PALLD: variants seen among roughly 807,000 people sequenced by gnomAD.
The protein encoded by PALLD is palladin.
PALLD carries 61 observed loss-of-function variants against 123.5 expected under a neutral mutation model. The observed-to-expected ratio is 0.49, with a 90% CI of 0.40 to 0.61. The LOEUF is 0.61. Ranked by LOEUF, PALLD falls within the 20% of genes least tolerant of loss-of-function variation. The probability of loss-of-function intolerance (pLI) is 0.00; values close to 1 mark genes in which losing one functional copy is unlikely to be tolerated. For synonymous variants in PALLD, 465 were observed against 496.4 expected, an observed-to-expected ratio of 0.94 and a Z score of 0.84; for missense variants, 1,273 against 1,377.0, an observed-to-expected ratio of 0.92 and a Z score of 1.20.
intron 10 of PALLD, among the ~76,000 whole-genome samples, chr4:168,766,650 A>T (rs937684980): frequency 6.6e-6 from 1 of 152,170 alleles, no homozygotes; most frequent in Non-Finnish European, 1.5e-5. Flanking sequence ...AGAGTATAGG[A>T]TTGGGAGGCA....
At chr4:168,761,235 A>G (rs906921338) in intron 10 of PALLD, among the ~76,000 whole-genome samples, 4 of 152,120 alleles carry the variant, frequency 2.6e-5, no homozygotes, top group East Asian at 1.9e-4. Context: ...TTTTTCCCAC[A>G]GTGTTTTCCA....
intron 10 of PALLD, among the ~76,000 whole-genome samples, chr4:168,747,509 T>C (rs1730480338): frequency 6.6e-6 from 1 of 152,206 alleles, no homozygotes; most frequent in South Asian, 2.1e-4. Flanking sequence ...AGACACATGC[T>C]ATGACAATGA....
intron 10 of PALLD, among the ~76,000 whole-genome samples, chr4:168,854,236 T>C (rs1199495421): frequency 6.6e-6 from 1 of 152,152 alleles, no homozygotes; most frequent in Non-Finnish European, 1.5e-5. Context: ...TTGAACAGAA[T>C]AGATGTGAAC....
At chr4:168,499,297 TGGGAGGGAGGAA>T (rs1441289315) in intron 1 of PALLD, among the ~76,000 whole-genome samples, 12 of 17,856 alleles carry the variant, frequency 6.7e-4, no homozygotes, top group Admixed American at 2.7e-3. Context: ...GGAGGGAGGA[TGGGAGGGAGGAA>T]GGGAGGGAGA....
At chr4:168,913,327 C>T (rs897789645) in intron 15 of PALLD, among the ~76,000 whole-genome samples, 12 of 151,924 alleles carry the variant, frequency 7.9e-5, no homozygotes, top group African/African-American at 2.4e-4. Flanking sequence ...TTAGTAGAGA[C>T]GGGGTTTCAC....
At chr4:168,797,410 T>C (rs1245657358) in intron 10 of PALLD, among the ~76,000 whole-genome samples, 1 of 152,088 alleles carries the variant, frequency 6.6e-6, no homozygotes, top group African/African-American at 2.4e-5. Context: ...CTCATCTGTC[T>C]GTTCATCATC....
At chr4:168,683,514 A>G (rs1304920033) in intron 5 of PALLD, among the ~76,000 whole-genome samples, 3 of 152,230 alleles carry the variant, frequency 2.0e-5, no homozygotes, top group Non-Finnish European at 4.4e-5. Flanking sequence ...AAGCTAAACA[A>G]ATAAGAAAAA....
rs778786842 is a variant in PALLD at position 168,511,664 on chromosome 4, G to A, written c.160G>A (p.Glu54Lys). 1.7e-5 allele frequency: 27 copies of A among 1,614,016 alleles called. No individual in the cohort carries two copies. The highest frequency in any genetic ancestry group is 1.1e-4 in the East Asian group (5 of 44,884). Residue 54 changes from glutamate (E) to lysine (K), a missense_variant, in exon 2 of 22, where the codon GAA becomes AAA. Glu to Lys is a moderately conservative substitution (Grantham distance 56). This residue lies in a region of PALLD where 944 missense variants were observed against 954.5 expected (regional missense o/e 0.99). Transcript: ENST00000505667. Reference sequence around the variant, plus strand: ...GGCCCGGAGAGCCATAGCCGACTCCGAAACAGAAGATTTTGACTCGGAAAA... The same window carrying A: ...GGCCCGGAGAGCCATAGCCGACTCCAAAACAGAAGATTTTGACTCGGAAAA... ...DLARRAIADS[E>K]TEDFDSEKEI...
Position 168,784,719 on chromosome 4 carries a change from C to T in PALLD, c.1964+72796C>T, listed in dbSNP as rs1442488117. ...TTTGGGGTAGGCGGAAAAGTGGATA[C>T]AGAGATTCTCTACCTCCTCTTACTT... On this transcript the variant is annotated intron_variant, in intron 10 of 21. Coordinates refer to ENST00000505667, the MANE Select transcript of PALLD (RefSeq NM_001166108.2). Among the ~76,000 whole-genome samples the T allele has an allele frequency of 2.6e-5, 4 of 152,212 alleles. No homozygotes were observed. In the South Asian group the frequency reaches 8.3e-4, roughly 32 times the overall value.
At chr4:168,868,557 A>G (rs1383979582) in intron 10 of PALLD, among the ~76,000 whole-genome samples, 1 of 152,220 alleles carries the variant, frequency 6.6e-6, no homozygotes. Context: ...TTAACTTAGT[A>G]TCAGCCATAA....
intron 2 of PALLD, among the ~76,000 whole-genome samples, chr4:168,535,246 G>A (rs1414771365): frequency 6.6e-6 from 1 of 152,108 alleles, no homozygotes; most frequent in Non-Finnish European, 1.5e-5. Context: ...CCTTATGTAG[G>A]TTTTTATATT....
intron 8 of PALLD, among the ~76,000 whole-genome samples, chr4:168,697,049 A>G (rs1162197540): frequency 6.6e-6 from 1 of 152,194 alleles, no homozygotes; most frequent in Non-Finnish European, 1.5e-5. Context: ...ATCATGTTAT[A>G]AGTGTCCTGG....
chr4:168,626,197 G>A (rs924874151), intron 2 of PALLD, among the ~76,000 whole-genome samples: 19 of 151,774 alleles, frequency 1.3e-4, no homozygotes, highest in Non-Finnish European at 2.1e-4. Flanking sequence ...TCAGGAGATC[G>A]AGACCATCCT....
At chr4:168,781,383 C>T (rs1020274346) in intron 10 of PALLD, among the ~76,000 whole-genome samples, 2 of 152,154 alleles carry the variant, frequency 1.3e-5, no homozygotes, top group Admixed American at 1.3e-4. Context: ...AAGGGCAAAC[C>T]AGGAGCCAGC....
rs552590350 is a variant in PALLD, at chr4:168,539,520, G to A, written c.908+27108G>A. On this transcript the variant is annotated intron_variant, in intron 2 of 21. Coordinates refer to ENST00000505667, the MANE Select transcript of PALLD (RefSeq NM_001166108.2). ...GGAGAATCGCTTGAACCCGGGAGGC[G>A]GAGGTTGCAGTGAGCCGAGATGGCG... Among the ~76,000 whole-genome samples the A allele has an allele frequency of 1.9e-4, 29 of 151,810 alleles. No individual in the cohort carries two copies. In the South Asian group the frequency reaches 2.7e-3, roughly 14 times the overall value.
intron 10 of PALLD, among the ~76,000 whole-genome samples, chr4:168,798,865 C>G (rs940963851): frequency 6.6e-6 from 1 of 152,244 alleles, no homozygotes; most frequent in African/African-American, 2.4e-5. Context: ...ATTCTTTGTA[C>G]AGCTAAATTG....
chr4:168,754,846 T>C (rs539925679), intron 10 of PALLD, among the ~76,000 whole-genome samples: 93 of 152,360 alleles, frequency 6.1e-4, no homozygotes, highest in Non-Finnish European at 1.3e-3. Context: ...AAACAAAGGT[T>C]CTGCCCTCAT....
chr4:168,782,931 A>C (rs1267351064), intron 10 of PALLD, among the ~76,000 whole-genome samples: 1 of 151,826 alleles, frequency 6.6e-6, no homozygotes, highest in East Asian at 1.9e-4. Context: ...AAAAACAACA[A>C]AAAAAAACTT....
intron 10 of PALLD, among the ~76,000 whole-genome samples, chr4:168,805,019 C>G (rs1427099636): frequency 6.6e-6 from 1 of 151,794 alleles, no homozygotes; most frequent in Non-Finnish European, 1.5e-5. Flanking sequence ...ATTAGCTGGG[C>G]TTGGTGTCAG....
Sources: allele counts gnomAD v4.1 joint callset (sites outside exome capture counted in the v4.1 genomes callset), GRCh38; gene constraint gnomAD v4.1.1; regional missense constraint gnomAD v4.1.1; transcripts MANE v1.5; gene names NCBI Gene and HGNC (gene_info 2026-07-23, HGNC 2026-07-21).